The following TBC1D4 variants were observed in gnomAD, a reference collection of about 807,000 sequenced individuals.
The protein encoded by TBC1D4 is TBC1 domain family member 4, also known as TBC (Tre-2, BUB2, CDC16) domain-containing protein.
Under a neutral mutation model 142.5 loss-of-function variants are expected in TBC1D4, and 121 were observed. That is an observed-to-expected ratio of 0.85 (90% CI 0.73 to 0.99). The LOEUF (loss-of-function observed/expected upper bound fraction) is 0.99, where lower values mean the gene tolerates loss of function less well. TBC1D4 is among the 50% of genes least tolerant of loss of function. TBC1D4 has a pLI of 0.00. For synonymous variants in TBC1D4, 630 were observed against 628.2 expected, an observed-to-expected ratio of 1.00 and a Z score of -0.04; for missense variants, 1,475 against 1,606.6, an observed-to-expected ratio of 0.92 and a Z score of 1.40.
At chr13:75,328,843 A>T (rs1290337195) in intron 8 of TBC1D4, among the ~76,000 whole-genome samples, 1 of 152,120 alleles carries the variant, frequency 6.6e-6, no homozygotes, top group Non-Finnish European at 1.5e-5. Context: ...TTTAATTTTT[A>T]ATCAAAGTAA....
chr13:75,307,243 T>C (rs1482652710), intron 14 of TBC1D4, among the ~76,000 whole-genome samples: 1 of 152,208 alleles, frequency 6.6e-6, no homozygotes, highest in Non-Finnish European at 1.5e-5. Flanking sequence ...ATAACAGGTG[T>C]GAGCCACTGC....
intron 1 of TBC1D4, among the ~76,000 whole-genome samples, chr13:75,385,513 T>C (rs1593824746): frequency 6.6e-6 from 1 of 152,204 alleles, no homozygotes; most frequent in East Asian, 1.9e-4. Context: ...CAGGTGCCTG[T>C]TCTAAAAAGA....
At chr13:75,322,206 A>G (rs1232463879) in intron 11 of TBC1D4, among the ~76,000 whole-genome samples, 1 of 152,252 alleles carries the variant, frequency 6.6e-6, no homozygotes. Flanking sequence ...TTCTGCTATC[A>G]AACTTTCAAA....
rs143325626 is a variant in TBC1D4, at chr13:75,472,646, G to A, written c.498+8624C>T. Among the ~76,000 whole-genome samples, 126 of 152,106 alleles carry A rather than the reference G, an allele frequency of 8.3e-4. 1 individual carries two copies. The highest frequency in any genetic ancestry group is 2.8e-3 in the African/African-American group (117 of 41,398). On this transcript the variant is annotated intron_variant, in intron 1 of 20. Coordinates refer to ENST00000377636, the MANE Select transcript of TBC1D4 (RefSeq NM_014832.5). ...TAACTAGATACTCTCTCAGGAAAAA[G>A]AAGGCCAGCTTCCATGACTAGAAAG...
intron 5 of TBC1D4, among the ~76,000 whole-genome samples, chr13:75,347,683 A>G (rs982801115): frequency 1.3e-5 from 2 of 152,186 alleles, no homozygotes; most frequent in Non-Finnish European, 2.9e-5. Flanking sequence ...AATTGATCCA[A>G]CACTATCTCC....
intron 1 of TBC1D4, among the ~76,000 whole-genome samples, chr13:75,412,563 C>T (rs1275397421): frequency 1.3e-5 from 2 of 152,134 alleles, no homozygotes; most frequent in South Asian, 2.1e-4. Flanking sequence ...CTTCAGCCTT[C>T]GAAAGTGCTG....
At position 75,341,173 on chromosome 13, in the gene TBC1D4, C is replaced by G; in HGVS notation, c.1563G>C (p.Leu521=). The G allele has an allele frequency of 6.2e-7, 1 of 1,613,646 alleles. No individual in the cohort carries two copies. The highest frequency in any genetic ancestry group is 8.5e-7 in the Non-Finnish European group (1 of 1,179,912). Residue 521 remains leucine, a synonymous_variant, in exon 7 of 21, where the codon CTG becomes CTC. Transcript: ENST00000377636. ...NELVILHLRQ[L]CEAKQKTHVH... is the part of the protein sequence containing the mutation. ...CGTGTGTCTTCTGCTTGGCTTCACA[C>G]AGCTGCCTCAGGTGTAAAATCACAA...
chr13:75,319,975 GA>G (rs1299276545), intron 12 of TBC1D4, 38 bp downstream of exon 12: 11 of 1,605,420 alleles, frequency 6.9e-6, no homozygotes, highest in Non-Finnish European at 9.4e-6. Flanking sequence ...AAGAATCTGT[GA>G]ATTTTTTTTA....
chr13:75,317,650 A>G (rs1482282541), intron 12 of TBC1D4, among the ~76,000 whole-genome samples: 2 of 152,206 alleles, frequency 1.3e-5, no homozygotes, highest in African/African-American at 2.4e-5. Flanking sequence ...TGTATTATAA[A>G]ACTCCTTCCC....
At chr13:75,400,985 T>C (rs541916335) in intron 1 of TBC1D4, among the ~76,000 whole-genome samples, 2 of 152,288 alleles carry the variant, frequency 1.3e-5, no homozygotes, top group Admixed American at 1.3e-4. Flanking sequence ...ATGCTGTCAC[T>C]AATTAACCAC....
chr13:75,303,699 A>G (rs957570762), intron 15 of TBC1D4, among the ~76,000 whole-genome samples: 2 of 152,182 alleles, frequency 1.3e-5, no homozygotes, highest in Admixed American at 1.3e-4. Flanking sequence ...TGAAAGTATT[A>G]TTGTCCGACA....
chr13:75,295,302 C>T (rs1875794835), intron 17 of TBC1D4, among the ~76,000 whole-genome samples: 1 of 152,138 alleles, frequency 6.6e-6, no homozygotes, highest in African/African-American at 2.4e-5. Context: ...TGTAGGGAGG[C>T]ATTGCTTTTG....
intron 1 of TBC1D4, among the ~76,000 whole-genome samples, chr13:75,451,547 G>A (rs1887532080): frequency 1.3e-5 from 2 of 150,044 alleles, no homozygotes; most frequent in South Asian, 2.1e-4. Context: ...AGGCATGGTG[G>A]TGCAAGCCTG....
chr13:75,305,741 A>G (rs1877116836), intron 15 of TBC1D4, among the ~76,000 whole-genome samples: 1 of 152,184 alleles, frequency 6.6e-6, no homozygotes, highest in Non-Finnish European at 1.5e-5. Context: ...ACTGCAACTA[A>G]AAGTTGACTT....
chr13:75,366,682 CA>C (rs11286033), intron 1 of TBC1D4, among the ~76,000 whole-genome samples: 143,845 of 148,740 alleles, frequency 0.97, 69,539 homozygotes, highest in East Asian at 1. Flanking sequence ...TCACTCTAGA[CA>C]AAAAAAAAAA....
Position 75,302,242 on chromosome 13 carries a change from C to T in TBC1D4, c.2911+1G>A, listed in dbSNP as rs1046559275. 1.2e-6 allele frequency: 2 copies of T among 1,614,120 alleles called. No individual in the cohort carries two copies. The highest frequency in any genetic ancestry group is 2.7e-5 in the African/African-American group (2 of 75,042). On this transcript the variant is annotated splice_donor_variant, in intron 16 of 20. Coordinates refer to ENST00000377636, the MANE Select transcript of TBC1D4 (RefSeq NM_014832.5). LOFTEE classifies it high-confidence loss of function. ...AATTATAATCCACATGACAAACATACCTAAATCCACGAGAATCGCATGCTG... is the reference window on the plus strand; with the variant it reads ...AATTATAATCCACATGACAAACATATCTAAATCCACGAGAATCGCATGCTG...
chr13:75,412,620 C>T (rs575920564), intron 1 of TBC1D4, among the ~76,000 whole-genome samples: 2 of 151,970 alleles, frequency 1.3e-5, no homozygotes, highest in Non-Finnish European at 2.9e-5. Context: ...ACCTTTTTAC[C>T]GTCACCTCTA....
intron 12 of TBC1D4, among the ~76,000 whole-genome samples, chr13:75,313,617 G>T (rs1033779744): frequency 2.0e-5 from 3 of 152,162 alleles, no homozygotes; most frequent in Admixed American, 1.3e-4. Context: ...GACCTCCCAG[G>T]CTCAAGAGAT....
chr13:75,359,074 T>C (rs1404406787), intron 3 of TBC1D4, among the ~76,000 whole-genome samples: 2 of 152,130 alleles, frequency 1.3e-5, no homozygotes, highest in Non-Finnish European at 2.9e-5. Context: ...GTAAGTTAAG[T>C]CACCAGGCAG....
Sources: allele counts gnomAD v4.1 joint callset (sites outside exome capture counted in the v4.1 genomes callset), GRCh38; gene constraint gnomAD v4.1.1; transcripts MANE v1.5; gene names NCBI Gene and HGNC (gene_info 2026-07-23, HGNC 2026-07-21).